Variants in DISC1 observed in about 807,000 individuals in gnomAD.
DISC1 encodes DISC1 scaffold protein, also known as disrupted in schizophrenia 1 protein.
Under a neutral mutation model 84.5 loss-of-function variants are expected in DISC1, and 57 were observed. The ratio of observed to expected loss-of-function variants is 0.67; its 90% CI spans 0.55 to 0.84. DISC1 has a LOEUF of 0.84. DISC1 is among the 40% of genes least tolerant of loss of function. DISC1 has a pLI of 0.00. For synonymous variants in DISC1, 411 were observed against 415.2 expected, an observed-to-expected ratio of 0.99 and a Z score of 0.12; for missense variants, 1,000 against 1,057.8, an observed-to-expected ratio of 0.95 and a Z score of 0.76.
intron 12 of DISC1, among the ~76,000 whole-genome samples, chr1:232,033,961 C>T (rs1670285586): frequency 6.6e-6 from 1 of 152,152 alleles, no homozygotes; most frequent in African/African-American, 2.4e-5. Context: ...AAATTAGGAT[C>T]ATTCCATATA....
At chr1:231,774,410 G>A (rs1455760273) in intron 6 of DISC1, among the ~76,000 whole-genome samples, 3 of 152,218 alleles carry the variant, frequency 2.0e-5, no homozygotes, top group Non-Finnish European at 2.9e-5. Flanking sequence ...GGTGCCTGCA[G>A]CATGGAACAC....
intron 1 of DISC1, among the ~76,000 whole-genome samples, chr1:231,652,570 T>C (rs1171082186): frequency 1.3e-5 from 2 of 152,068 alleles, no homozygotes; most frequent in African/African-American, 4.8e-5. Flanking sequence ...GCCTGAAAAA[T>C]GTATGGGAGA....
intron 1 of DISC1, among the ~76,000 whole-genome samples, chr1:231,678,929 G>C (rs1420735732): frequency 6.6e-6 from 1 of 152,218 alleles, no homozygotes; most frequent in Non-Finnish European, 1.5e-5. Context: ...ACCCGCCTCA[G>C]CCTCCCAAAG....
chr1:231,896,314 T>G (rs1350692732), intron 9 of DISC1, among the ~76,000 whole-genome samples: 1 of 152,140 alleles, frequency 6.6e-6, no homozygotes, highest in Non-Finnish European at 1.5e-5. Context: ...GGTATGGTAT[T>G]TAAATAATCA....
At position 231,694,552 on chromosome 1, in the gene DISC1, C is replaced by G; in HGVS notation, c.794C>G (p.Pro265Arg). 3.1e-6 allele frequency: 5 copies of G among 1,614,182 alleles called. No homozygotes were observed. The highest frequency in any genetic ancestry group is 1.1e-5 in the South Asian group (1 of 91,090). ...PHEDPRCLSRPFSLLATRVSA... is the reference protein window; with the variant it reads ...PHEDPRCLSRRFSLLATRVSA... ...GAGGACCCGCGATGTCTCTCTCGGC[C>G]CTTCAGTCTCTTGGCTACACGGGTC... Residue 265 changes from proline to arginine, a missense_variant, in exon 2 of 13, where the codon CCC (proline) becomes CGC (arginine). Coordinates refer to ENST00000439617, the MANE Select transcript of DISC1 (RefSeq NM_018662.3).
intron 10 of DISC1, among the ~76,000 whole-genome samples, chr1:232,004,691 C>A (rs1024811041): frequency 2.0e-5 from 3 of 152,162 alleles, no homozygotes; most frequent in Non-Finnish European, 4.4e-5. Flanking sequence ...GAGATCCCAC[C>A]TTTTACCTAT....
intron 6 of DISC1, among the ~76,000 whole-genome samples, chr1:231,782,204 G>A (rs1259478670): frequency 6.6e-6 from 1 of 152,074 alleles, no homozygotes; most frequent in African/African-American, 2.4e-5. Flanking sequence ...TGTTGATATT[G>A]GTGTTTGGAT....
intron 9 of DISC1, among the ~76,000 whole-genome samples, chr1:231,873,261 C>T (rs933460039): frequency 7.2e-5 from 11 of 152,142 alleles, no homozygotes; most frequent in South Asian, 2.1e-4. Flanking sequence ...ATTAGTGCCC[C>T]GGTAAGAGAG....
At chr1:231,948,456 G>T (rs554657372) in intron 9 of DISC1, among the ~76,000 whole-genome samples, 2 of 152,216 alleles carry the variant, frequency 1.3e-5, no homozygotes, top group East Asian at 3.9e-4. Flanking sequence ...GGCCTGTCGG[G>T]TGGTGGGGGG....
At chr1:231,763,321 A>ATG (rs1173135269) in intron 4 of DISC1, among the ~76,000 whole-genome samples, 2 of 152,220 alleles carry the variant, frequency 1.3e-5, no homozygotes, top group African/African-American at 4.8e-5. Flanking sequence ...TGAGAAGCGA[A>ATG]TGTGATCAAA....
In DISC1 at chr1:231,999,930, T is replaced by C. The variant is rs113453478; in HGVS notation, c.2043-8855T>C. Among the ~76,000 whole-genome samples, 714 of 152,234 alleles carry C rather than the reference T, an allele frequency of 4.7e-3. 4 individuals carry two copies. The highest frequency in any genetic ancestry group is 0.015 in the African/African-American group (639 of 41,540). On this transcript the variant is annotated intron_variant, in intron 10 of 12. Transcript: ENST00000439617. ...AATGGCTTCAAAAATAAAAATTCCATTGGAACCACATATAGAAAAGTAGGA... is the reference window on the plus strand; with the variant it reads ...AATGGCTTCAAAAATAAAAATTCCACTGGAACCACATATAGAAAAGTAGGA...
intron 6 of DISC1, among the ~76,000 whole-genome samples, chr1:231,784,833 A>G (rs1170216731): frequency 1.3e-5 from 2 of 152,132 alleles, no homozygotes; most frequent in Non-Finnish European, 1.5e-5. Flanking sequence ...TGGTGCTCCT[A>G]CCTCTCAGCT....
intron 9 of DISC1, among the ~76,000 whole-genome samples, chr1:231,829,572 G>A (rs774702983): frequency 2.0e-5 from 3 of 152,138 alleles, no homozygotes; most frequent in East Asian, 3.9e-4. Flanking sequence ...GAGTGGTCTC[G>A]AACTCCTGGG....
intron 10 of DISC1, among the ~76,000 whole-genome samples, chr1:231,983,556 GA>G (rs1663939152): frequency 1.7e-5 from 1 of 59,502 alleles, no homozygotes; most frequent in Non-Finnish European, 3.1e-5. Flanking sequence ...GGGGTGGGGG[GA>G]GGTAGAGGAG....
intron 6 of DISC1, among the ~76,000 whole-genome samples, chr1:231,780,247 AAAAAG>A (rs1211160140): frequency 1.3e-5 from 2 of 151,278 alleles, no homozygotes; most frequent in African/African-American, 2.4e-5. Flanking sequence ...TAAAAAAAAA[AAAAAG>A]AAAAGGAAAG....
In DISC1 at chr1:231,826,256, A is replaced by G. The variant is rs931205526; in HGVS notation, c.1981+7739A>G. Among the ~76,000 whole-genome samples, 3 of 152,180 alleles carry G rather than the reference A, an allele frequency of 2.0e-5. No individual in the cohort carries two copies. Among genetic ancestry groups the G allele is most frequent in the African/African-American group, 4.8e-5 (2 of 41,434 alleles). On this transcript the variant is annotated intron_variant, in intron 9 of 12. Coordinates refer to ENST00000439617, the MANE Select transcript of DISC1 (RefSeq NM_018662.3). The surrounding 1 kb of genome is among the most constrained non-coding windows in gnomAD (Gnocchi z 4.2). ...ACCATCTGAATCCCTCTTACCTGCC[A>G]TTTTACCTTTGACGTTGCTTTATGT...
chr1:231,794,673 G>T (rs533277512), intron 6 of DISC1, among the ~76,000 whole-genome samples: 2 of 152,234 alleles, frequency 1.3e-5, no homozygotes, highest in Admixed American at 1.3e-4. Context: ...GGGAGAGAGA[G>T]AAATTACATG....
At chr1:231,853,071 T>C (rs1485237442) in intron 9 of DISC1, among the ~76,000 whole-genome samples, 1 of 152,218 alleles carries the variant, frequency 6.6e-6, no homozygotes, top group Non-Finnish European at 1.5e-5. Context: ...TGCATTCTAC[T>C]CTTTTCTGCT....
chr1:231,699,435 C>T lies in DISC1; in HGVS notation c.1048-2520C>T, dbSNP rs560924821. On this transcript the variant is annotated intron_variant, in intron 2 of 12. Coordinates refer to ENST00000439617, the MANE Select transcript of DISC1 (RefSeq NM_018662.3). The stretch of plus-strand genomic sequence containing the variant: ...CTTCCAGTGGGTCAGAAAAAAAAAC[C>T]CAAAAAACAAAAAACAAAACAAACC... Among the ~76,000 whole-genome samples, 11 of 152,152 alleles carry T rather than the reference C, an allele frequency of 7.2e-5. No individual in the cohort carries two copies. The South Asian group carries it at 2.3e-3, about 32-fold the overall frequency.
Sources: allele counts gnomAD v4.1 joint callset (sites outside exome capture counted in the v4.1 genomes callset), GRCh38; gene constraint gnomAD v4.1.1; non-coding constraint Gnocchi (gnomAD v3.1); transcripts MANE v1.5; gene names NCBI Gene and HGNC (gene_info 2026-07-23, HGNC 2026-07-21).